The following SLC12A8 variants were observed in gnomAD, a reference collection of about 807,000 sequenced individuals.
The protein encoded by SLC12A8 is cation-chloride cotransporter 9.
SLC12A8 carries 69 observed loss-of-function variants against 75.6 expected under a neutral mutation model. The ratio of observed to expected loss-of-function variants is 0.91; its 90% confidence interval spans 0.75 to 1.11. SLC12A8 has a LOEUF of 1.11. Among genes scored for constraint, SLC12A8 ranks in the 50% most tolerant of loss-of-function variants. The probability of loss-of-function intolerance (pLI) is 0.00; values close to 1 mark genes in which losing one functional copy is unlikely to be tolerated. For synonymous variants in SLC12A8, 365 were observed against 372.8 expected, an observed-to-expected ratio of 0.98 and a Z score of 0.24; for missense variants, 877 against 896.7, an observed-to-expected ratio of 0.98 and a Z score of 0.28.
chr3:125,136,706 C>T (rs1933503915), intron 5 of SLC12A8, among the ~76,000 whole-genome samples: 1 of 152,246 alleles, frequency 6.6e-6, no homozygotes, highest in Non-Finnish European at 1.5e-5. Context: ...ATAGCAGGAA[C>T]ATCTCAGATC....
chr3:125,212,661 G>T (rs922903836), intron 1 of SLC12A8, 39 bp downstream of exon 1: 1 of 152,462 alleles, frequency 6.6e-6, no homozygotes, highest in Non-Finnish European at 1.5e-5. Flanking sequence ...ACTGTCCCGA[G>T]ACCACCCTCT....
At chr3:125,126,083 A>G (rs1933199243) in intron 6 of SLC12A8, 1 of 192,614 alleles carries the variant, frequency 5.2e-6, no homozygotes, top group Admixed American at 6.5e-5. Context: ...TGGTCTGCAC[A>G]CTGTTACCAT....
chr3:125,176,951 T>A (rs1371861765), intron 5 of SLC12A8, among the ~76,000 whole-genome samples: 1 of 151,832 alleles, frequency 6.6e-6, no homozygotes, highest in African/African-American at 2.4e-5. Context: ...GAAATACCAT[T>A]TGACCCAGCC....
intron 2 of SLC12A8, among the ~76,000 whole-genome samples, chr3:125,209,057 G>A (rs530015766): frequency 2.0e-5 from 3 of 152,234 alleles, no homozygotes; most frequent in Admixed American, 2.0e-4. Flanking sequence ...AAAGCTCCTA[G>A]CAGAATTTCT....
intron 4 of SLC12A8, 148 bp downstream of exon 4, chr3:125,187,089 C>A: frequency 4.1e-6 from 3 of 737,056 alleles, no homozygotes; most frequent in Non-Finnish European, 6.7e-6. Context: ...TGACTCTCTG[C>A]TGAATTCCCT....
rs1938356839 is a variant in SLC12A8 at position 125,082,706 on chromosome 3, AC to A, written c.*1183del. ...ACAATAATAGTTTACAAATGCATGT[AC>A]CTTTTGATCCTGCAATTCCACTTTT... is the stretch of plus-strand genomic sequence containing the variant. On this transcript the variant is annotated 3_prime_UTR_variant, in exon 14 of 14. Transcript: ENST00000469902. 6.6e-6 allele frequency: 1 copy of A among 152,234 alleles called. No homozygotes were observed. Among genetic ancestry groups the A allele is most frequent in the Non-Finnish European group, 1.5e-5 (1 of 68,036 alleles). The allele number at this position is 152,234 out of a possible 1,614,324, so 9.4% of individuals were successfully genotyped here.
In SLC12A8 at chr3:125,187,313, C is replaced by T. The variant is rs1181134006; in HGVS notation, c.314G>A (p.Gly105Asp). Residue 105 changes from glycine to aspartate, a missense_variant, in exon 4 of 14, where the codon GGC (glycine) becomes GAC (aspartate). Coordinates refer to ENST00000469902, the MANE Select transcript of SLC12A8 (RefSeq NM_024628.6). ...GACCGAGGAGATCATGGAGTAGACG[C>T]CACCGCTGCCGATGCTGCTGCGCTC... Reference protein sequence around the residue: ...VGERSSIGSGGVYSMISSVLG... With the variant: ...VGERSSIGSGDVYSMISSVLG... 1.9e-6 allele frequency: 3 copies of T among 1,614,074 alleles called. No homozygotes were observed. Among genetic ancestry groups the T allele is most frequent in the Admixed American group, 3.3e-5 (2 of 60,006 alleles).
rs1196226999 is a variant in SLC12A8, at chr3:125,118,867, C to T, written c.825-11G>A. Reference sequence around the variant, plus strand: ...ATGTACAGAAACCACCTGCAAAACCCAAGAGCAGAACAGAGCTGCCCCCGA... The same window carrying T: ...ATGTACAGAAACCACCTGCAAAACCTAAGAGCAGAACAGAGCTGCCCCCGA... On this transcript the variant is annotated splice_polypyrimidine_tract_variant and intron_variant, in intron 7 of 13. Coordinates refer to ENST00000469902, the MANE Select transcript of SLC12A8 (RefSeq NM_024628.6). 15 of 1,601,152 alleles carry T rather than the reference C, an allele frequency of 9.4e-6. No individual in the cohort carries two copies. Among genetic ancestry groups the T allele is most frequent in the Non-Finnish European group, 1.3e-5 (15 of 1,168,582 alleles).
chr3:125,155,627 T>G lies in SLC12A8; in HGVS notation c.623-19845A>C, dbSNP rs1486700461. On this transcript the variant is annotated intron_variant, in intron 5 of 13. Transcript: ENST00000469902. ...TCTACTAAAAATACAAAAAAGTAGC[T>G]GTAGTCCCAGCTACTCGGGAGGCTG... Among the ~76,000 whole-genome samples the G allele has an allele frequency of 2.8e-3, 102 of 36,206 alleles. 11 individuals carry two copies. The highest frequency in any genetic ancestry group is 1.7e-3 in the East Asian group (1 of 604). 23.8% of individuals were successfully genotyped at this position (36,206 alleles called of 152,430 possible).
chr3:125,108,670 T>C (rs1437732686), intron 9 of SLC12A8, among the ~76,000 whole-genome samples: 1 of 152,222 alleles, frequency 6.6e-6, no homozygotes, highest in African/African-American at 2.4e-5. Flanking sequence ...TGCCCAGCCA[T>C]AGGAATAACT....
chr3:125,174,847 T>C (rs1934485387), intron 5 of SLC12A8, among the ~76,000 whole-genome samples: 1 of 152,196 alleles, frequency 6.6e-6, no homozygotes, highest in Non-Finnish European at 1.5e-5. Flanking sequence ...CAGGGAATTT[T>C]TAGGGCAGTG....
chr3:125,192,873 G>A (rs1934933772), intron 2 of SLC12A8, among the ~76,000 whole-genome samples: 2 of 152,154 alleles, frequency 1.3e-5, no homozygotes, highest in African/African-American at 2.4e-5. Context: ...TTGACTCCAA[G>A]GGAGTAACCC....
chr3:125,165,590 A>G (rs1934268095), intron 5 of SLC12A8, among the ~76,000 whole-genome samples: 1 of 152,182 alleles, frequency 6.6e-6, no homozygotes. Context: ...GCCCCATCCA[A>G]GGGGGACCCA....
intron 10 of SLC12A8, among the ~76,000 whole-genome samples, chr3:125,102,943 G>A (rs1165521325): frequency 1.3e-5 from 2 of 152,142 alleles, no homozygotes; most frequent in Non-Finnish European, 2.9e-5. Context: ...TCAGGACCAG[G>A]AAGCACCACA....
intron 5 of SLC12A8, among the ~76,000 whole-genome samples, chr3:125,147,629 CA>C (rs1375228016): frequency 6.6e-6 from 1 of 152,092 alleles, no homozygotes; most frequent in African/African-American, 2.4e-5. Flanking sequence ...AGTGACCATA[CA>C]TCCTGCCCTA....
intron 10 of SLC12A8, among the ~76,000 whole-genome samples, chr3:125,106,591 G>A (rs1049916933): frequency 1.3e-5 from 2 of 152,172 alleles, no homozygotes; most frequent in South Asian, 4.1e-4. Context: ...TTTTAGTAGA[G>A]ACAAGGTTTC....
intron 2 of SLC12A8, among the ~76,000 whole-genome samples, chr3:125,204,439 G>A (rs902802710): frequency 3.9e-5 from 6 of 152,196 alleles, no homozygotes; most frequent in African/African-American, 1.4e-4. Flanking sequence ...CAACGTGGAT[G>A]GAACTGGAGG....
chr3:125,205,218 C>A (rs1935203248), intron 2 of SLC12A8, among the ~76,000 whole-genome samples: 1 of 152,206 alleles, frequency 6.6e-6, no homozygotes, highest in African/African-American at 2.4e-5. Context: ...TCTTCAGCCC[C>A]CTGAGCATCC....
chr3:125,197,807 G>T (rs1935034794), intron 2 of SLC12A8, among the ~76,000 whole-genome samples: 1 of 152,160 alleles, frequency 6.6e-6, no homozygotes, highest in Non-Finnish European at 1.5e-5. Flanking sequence ...GAATTATGGG[G>T]TTAGAAAATC....
Sources: allele counts gnomAD v4.1 joint callset (sites outside exome capture counted in the v4.1 genomes callset), GRCh38; gene constraint gnomAD v4.1.1; transcripts MANE v1.5; gene names NCBI Gene and HGNC (gene_info 2026-07-23, HGNC 2026-07-21).